The following SCN2A variants were observed in gnomAD, a reference collection of about 807,000 sequenced individuals.
SCN2A encodes sodium voltage-gated channel alpha subunit 2, also known as sodium channel protein type 2 subunit alpha.
A neutral mutation model predicts 188.7 loss-of-function variants in SCN2A; 20 were observed. That is an observed-to-expected ratio of 0.11 (90% CI 0.07 to 0.15). The LOEUF (loss-of-function observed/expected upper bound fraction) is 0.15. Ranked by LOEUF, SCN2A falls within the 10% of genes least tolerant of loss-of-function variation. SCN2A has a pLI of 1.00. For missense variants in SCN2A, 1,278 were observed against 2,445.0 expected, an observed-to-expected ratio of 0.52 and a Z score of 10.07; for synonymous variants, 804 against 833.1, an observed-to-expected ratio of 0.97 and a Z score of 0.60.
chr2:165,291,385 T>A (rs1696115283), intron 1 of SCN2A, among the ~76,000 whole-genome samples: 1 of 149,294 alleles, frequency 6.7e-6, no homozygotes, highest in African/African-American at 2.5e-5. Flanking sequence ...CCTTCCTTCC[T>A]TCCTTCCTTC....
intron 17 of SCN2A, among the ~76,000 whole-genome samples, chr2:165,356,200 G>GT (rs1248507922): frequency 1.3e-5 from 2 of 152,074 alleles, no homozygotes; most frequent in Non-Finnish European, 2.9e-5. Flanking sequence ...AGGGACATAG[G>GT]TATCAGTTTC....
In SCN2A at chr2:165,266,233, G is replaced by T. The variant is rs532838310; in HGVS notation, c.-52+26593G>T. Among the ~76,000 whole-genome samples the T allele has an allele frequency of 1.3e-4, 20 of 151,996 alleles. 1 individual carries two copies. The highest frequency in any genetic ancestry group is 4.6e-4 in the African/African-American group (19 of 41,458). ...AATTTTTTCTTTCATGAAATACTCA[G>T]AAGTATCTATTCACCACCACCAACA... On this transcript the variant is annotated intron_variant, in intron 1 of 26. Transcript: ENST00000375437.
At position 165,386,814 on chromosome 2, in the gene SCN2A, C is replaced by T. The variant is rs754347969; in HGVS notation, c.4620C>T (p.Leu1540=). The T allele has an allele frequency of 1.2e-6, 2 of 1,613,882 alleles. No individual in the cohort carries two copies. Among genetic ancestry groups the T allele is most frequent in the Non-Finnish European group, 1.7e-6 (2 of 1,179,892 alleles). Residue 1540 remains leucine, a synonymous_variant, in exon 26 of 27, where the codon CTC becomes CTT. Transcript: ENST00000375437. ...KQVFDISIMI[L]ICLNMVTMMV... ...TCTTTGATATCAGCATCATGATCCT[C>T]ATCTGCCTTAACATGGTCACCATGA...
intron 19 of SCN2A, among the ~76,000 whole-genome samples, 195 bp from the exon 20 acceptor site, chr2:165,369,930 AC>A (rs1429257529): frequency 2.0e-5 from 3 of 151,922 alleles, no homozygotes; most frequent in Admixed American, 6.5e-5. Flanking sequence ...AATTACTGAA[AC>A]CCTTGGTTGA....
In SCN2A at chr2:165,291,471, TTTCTTTCTTTCTTTCTTTCTTTTC is replaced by T. The variant is rs1428997579; in HGVS notation, c.-51-4299_-51-4276del. ...CTTTCTTTCTTTCTTTCTTTCTTTC[TTTCTTTCTTTCTTTCTTTCTTTTC>T]TTTCTTTCTTTCTTTCTTCCTCTCC... On this transcript the variant is annotated intron_variant, in intron 1 of 26. Transcript: ENST00000375437. 5.0e-3 allele frequency among the ~76,000 whole-genome samples: 207 copies of T among 41,398 alleles called. 2 individuals are homozygous for T. The highest frequency in any genetic ancestry group is 0.015 in the Middle Eastern group (2 of 136). 27.2% of individuals were successfully genotyped at this position (41,398 alleles called of 152,430 possible).
chr2:165,296,225 G>A (rs1310653055), intron 2 of SCN2A, 135 bp downstream of exon 2: 16 of 836,586 alleles, frequency 1.9e-5, no homozygotes, highest in East Asian at 7.6e-5. Flanking sequence ...GGGCCTGACC[G>A]TGTAATGGAC....
chr2:165,316,348 C>A (rs1041852885), intron 11 of SCN2A, among the ~76,000 whole-genome samples: 1 of 151,966 alleles, frequency 6.6e-6, no homozygotes, highest in East Asian at 1.9e-4. Flanking sequence ...TCATGTTAAA[C>A]ATGGGACTTG....
intron 6 of SCN2A, 49 bp downstream of exon 6, chr2:165,309,492 A>G (rs1187227095): frequency 3.7e-6 from 6 of 1,606,442 alleles, no homozygotes; most frequent in South Asian, 1.1e-5. Flanking sequence ...CAGTGGTGCT[A>G]CAATCACAGC....
Position 165,313,882 on chromosome 2 carries a change from AT to A in SCN2A, c.1177-19del. 1 of 1,613,400 alleles carries A rather than the reference AT, an allele frequency of 6.2e-7. No individual in the cohort carries two copies. The highest frequency in any genetic ancestry group is 8.5e-7 in the Non-Finnish European group (1 of 1,179,514). Reference sequence around the variant, plus strand: ...AACATCCTATATAAAATTTATTAAAATCTCTCTTCCATTTTGCAGACACTAC... The same window carrying A: ...AACATCCTATATAAAATTTATTAAAACTCTCTTCCATTTTGCAGACACTAC... On this transcript the variant is annotated intron_variant, in intron 9 of 26. Transcript: ENST00000375437.
At chr2:165,381,978 C>T (rs1027809158) in intron 25 of SCN2A, among the ~76,000 whole-genome samples, 2 of 151,902 alleles carry the variant, frequency 1.3e-5, no homozygotes, top group Non-Finnish European at 1.5e-5. Flanking sequence ...TAAAACAGAC[C>T]GTAATTAAGT....
In SCN2A at chr2:165,389,510, C is replaced by A; in HGVS notation, c.5704C>A (p.Arg1902Ser). 6.2e-7 allele frequency: 1 copy of A among 1,613,808 alleles called. No individual in the cohort carries two copies. The highest frequency in any genetic ancestry group is 8.5e-7 in the Non-Finnish European group (1 of 1,179,938). ...SYEPITTTLKRKQEEVSAIII... is the reference protein window; with the variant it reads ...SYEPITTTLKSKQEEVSAIII... ...TGAGCCCATTACGACCACGTTGAAA[C>A]GCAAACAAGAGGAGGTGTCTGCTAT... Residue 1902 changes from arginine to serine, a missense_variant, in exon 27 of 27, where the codon CGC (arginine) becomes AGC (serine). By Grantham distance (110) the Arg-to-Ser change is moderately radical. This residue lies in a region of SCN2A where 109 missense variants were observed against 137.9 expected (regional missense o/e 0.79). Transcript: ENST00000375437. The surrounding 1 kb of genome is among the most constrained non-coding windows in gnomAD (Gnocchi z 4.2).
intron 1 of SCN2A, among the ~76,000 whole-genome samples, chr2:165,258,380 A>G (rs1233177122): frequency 6.6e-6 from 1 of 152,166 alleles, no homozygotes; most frequent in African/African-American, 2.4e-5. Flanking sequence ...TCTTCTGCAT[A>G]TGGCTAGCCA....
Position 165,323,384 on chromosome 2 carries a change from G to T in SCN2A, c.1900G>T (p.Val634Leu), listed in dbSNP as rs752534435. ...CAGCCAGGCCAGCCGTGCCTCCAGG[G>T]TGCTCCCCATCCTGCCCATGAATGG... ...NVSQASRASR[V>L]LPILPMNGKM... is the part of the protein sequence containing the mutation. The change falls in exon 12 of 27, where the codon GTG (valine) becomes TTG (leucine). Residue 634 changes from valine to leucine, a missense_variant. Around this residue, in one of 17 missense-constraint regions of SCN2A, gnomAD observed 315 missense variants for 386.6 expected, o/e 0.81. Coordinates refer to ENST00000375437, the MANE Select transcript of SCN2A (RefSeq NM_001040142.2). The T allele has an allele frequency of 1.1e-5, 17 of 1,614,040 alleles. No homozygotes were observed. The South Asian group carries it at 1.8e-4, about 17-fold the overall frequency.
chr2:165,256,484 A>G (rs1362818456), intron 1 of SCN2A, among the ~76,000 whole-genome samples: 1 of 152,144 alleles, frequency 6.6e-6, no homozygotes, highest in Admixed American at 6.5e-5. Context: ...CACCATGTAT[A>G]TCTTTACATT....
chr2:165,246,636 A>G (rs1001049548), intron 1 of SCN2A, among the ~76,000 whole-genome samples: 5 of 152,178 alleles, frequency 3.3e-5, no homozygotes, highest in African/African-American at 7.2e-5. Flanking sequence ...ATATACATAC[A>G]TACCTCACAA....
At chr2:165,326,044 G>A (rs879345483) in intron 12 of SCN2A, among the ~76,000 whole-genome samples, 1 of 152,074 alleles carries the variant, frequency 6.6e-6, no homozygotes, top group Non-Finnish European at 1.5e-5. Flanking sequence ...ACTCAGACCT[G>A]CATTTGAAAT....
intron 1 of SCN2A, among the ~76,000 whole-genome samples, chr2:165,256,803 T>G (rs1694346745): frequency 6.6e-6 from 1 of 152,168 alleles, no homozygotes; most frequent in African/African-American, 2.4e-5. Context: ...TTTGGCGATT[T>G]TTTTTCCTGC....
rs540610449 is a variant in SCN2A, at chr2:165,241,914, G to T, written c.-52+2274G>T. ...AAAAACAGAAAGTTGCTTATTCCAGGTACATAGGTGAGGCAAGTAAATACA... is the reference window on the plus strand; with the variant it reads ...AAAAACAGAAAGTTGCTTATTCCAGTTACATAGGTGAGGCAAGTAAATACA... On this transcript the variant is annotated intron_variant, in intron 1 of 26. Transcript: ENST00000375437. 3.9e-5 allele frequency among the ~76,000 whole-genome samples: 6 copies of T among 152,262 alleles called. No individual in the cohort carries two copies. The East Asian group carries it at 9.7e-4, about 24-fold the overall frequency.
chr2:165,382,395 C>T (rs1701650026), intron 25 of SCN2A, among the ~76,000 whole-genome samples: 1 of 152,024 alleles, frequency 6.6e-6, no homozygotes, highest in South Asian at 2.1e-4. Flanking sequence ...TAACCCTCGG[C>T]CATAGACAAG....
Sources: allele counts gnomAD v4.1 joint callset (sites outside exome capture counted in the v4.1 genomes callset), GRCh38; gene constraint gnomAD v4.1.1; regional missense constraint gnomAD v4.1.1; non-coding constraint Gnocchi (gnomAD v3.1); transcripts MANE v1.5; gene names NCBI Gene and HGNC (gene_info 2026-07-23, HGNC 2026-07-21).